AGBL5: variants seen among roughly 807,000 people sequenced by gnomAD.
AGBL5 encodes the protein cytosolic carboxypeptidase-like protein 5.
In AGBL5, 51 loss-of-function variants were observed where a neutral mutation model predicts 88.0. The ratio of observed to expected loss-of-function variants is 0.58; its 90% CI spans 0.46 to 0.73. The LOEUF (loss-of-function observed/expected upper bound fraction) is 0.73, where lower values mean the gene tolerates loss of function less well. Among genes scored for constraint, AGBL5 ranks in the 30% least tolerant of loss-of-function variants. AGBL5 has a pLI of 0.00. For synonymous variants in AGBL5, 446 were observed against 438.8 expected (o/e 1.02, Z -0.21); for missense variants, 1,031 against 1,162.2 (o/e 0.89, Z 1.64).
chr2:27,053,509 C>T lies in AGBL5; in HGVS notation c.323C>T (p.Pro108Leu), dbSNP rs1271339736. ...QSKLYSQGMAPFVRTLPTRPR... is the reference protein window; with the variant it reads ...QSKLYSQGMALFVRTLPTRPR... Reference sequence around the variant, plus strand: ...AAGCTGTATTCCCAGGGCATGGCCCCCTTTGTGCGCACACTGCCCACCCGG... The same window carrying T: ...AAGCTGTATTCCCAGGGCATGGCCCTCTTTGTGCGCACACTGCCCACCCGG... The change falls in exon 3 of 15, where the codon CCC (proline) becomes CTC (leucine). Residue 108 changes from proline (P) to leucine (L), a missense_variant. Around this residue, in one of 2 missense-constraint regions of AGBL5, gnomAD observed 540 missense variants for 678.2 expected, o/e 0.80. Coordinates refer to ENST00000360131, the MANE Select transcript of AGBL5 (RefSeq NM_021831.6). This position sits in a 1 kb window ranked among gnomAD's most constrained non-coding sequence, Gnocchi z 4.9. The T allele has an allele frequency of 1.2e-6, 2 of 1,614,144 alleles. No individual in the cohort carries two copies. The highest frequency in any genetic ancestry group is 3.3e-5 in the Admixed American group (2 of 60,030).
At chr2:27,056,459 C>A in intron 7 of AGBL5, 164 bp from the exon 8 acceptor site, 1 of 699,234 alleles carries the variant, frequency 1.4e-6, no homozygotes, top group Non-Finnish European at 2.3e-6. Flanking sequence ...TTCCCAACAC[C>A]TAGAAGTAAT....
intron 5 of AGBL5, 129 bp from the exon 6 acceptor site, chr2:27,054,946 C>A: frequency 6.7e-7 from 1 of 1,481,988 alleles, no homozygotes; most frequent in Non-Finnish European, 9.2e-7. Context: ...ATGGCCCCTG[C>A]TCCACTTGCA....
intron 6 of AGBL5, 26 bp downstream of exon 6, chr2:27,055,279 G>C: frequency 6.2e-7 from 1 of 1,608,252 alleles, no homozygotes; most frequent in South Asian, 1.1e-5. Flanking sequence ...AGCCTGTCTG[G>C]ACTGTTCCCA....
In AGBL5 at chr2:27,068,716, G is replaced by A. The variant is rs145155050; in HGVS notation, c.2327G>A (p.Arg776Gln). 9 of 1,614,108 alleles carry A rather than the reference G, an allele frequency of 5.6e-6. No homozygotes were observed. The highest frequency in any genetic ancestry group is 1.6e-4 in the Middle Eastern group (1 of 6,062). ...IGKGLLGTGA[R>Q]MPCIKTRLQA... is the part of the protein sequence containing the mutation. The stretch of plus-strand genomic sequence containing the variant: ...AAAGGTCTGCTAGGGACTGGAGCTC[G>A]GATGCCCTGCATCAAGACTCGATTG... The change falls in exon 13 of 15, where the codon CGG becomes CAG. Residue 776 changes from arginine (R) to glutamine (Q), a missense_variant. Arg to Gln is a conservative substitution (Grantham distance 43). Transcript: ENST00000360131.
intron 11 of AGBL5, among the ~76,000 whole-genome samples, chr2:27,064,999 C>T (rs1668919264): frequency 6.6e-6 from 1 of 151,502 alleles, no homozygotes; most frequent in East Asian, 2.0e-4. Flanking sequence ...AGTGATCCGC[C>T]TGCCTCAGCC....
Position 27,054,626 on chromosome 2 carries a change from G to A in AGBL5, c.552-4G>A. 1 of 1,601,042 alleles carries A rather than the reference G, an allele frequency of 6.2e-7. No individual in the cohort carries two copies. The highest frequency in any genetic ancestry group is 1.1e-5 in the South Asian group (1 of 88,632). ...CTCCTGGCTTAATTTTTTTTTCCCT[G>A]TAGCCCCCTGGATACCATCTATTAC... On this transcript the variant is annotated splice_region_variant and splice_polypyrimidine_tract_variant and intron_variant, in intron 4 of 14. Transcript: ENST00000360131.
In AGBL5 at chr2:27,069,347, C is replaced by G. The variant is rs985639467; in HGVS notation, c.2356-226C>G. ...TAGCCATGGCGGTTAAATGCTGGAT[C>G]CGTTTGCCACCCCTAGTTATAGACT... On this transcript the variant is annotated intron_variant, in intron 13 of 14. Coordinates refer to ENST00000360131, the MANE Select transcript of AGBL5 (RefSeq NM_021831.6). 3 of 985,394 alleles carry G rather than the reference C, an allele frequency of 3.0e-6. No individual in the cohort carries two copies. The African/African-American group carries it at 5.2e-5, about 17-fold the overall frequency. The allele number at this position is 985,394 out of a possible 1,614,324, so 61.0% of individuals were successfully genotyped here.
Position 27,070,483 on chromosome 2 carries a change from CA to C in AGBL5, c.*228del, listed in dbSNP as rs1474092972. 67 of 508,398 alleles carry C rather than the reference CA, an allele frequency of 1.3e-4. No homozygotes were observed. The highest frequency in any genetic ancestry group is 2.7e-4 in the South Asian group (8 of 29,366). The allele number at this position is 508,398 out of a possible 1,614,324, so 31.5% of individuals were successfully genotyped here. A position where few individuals can be genotyped will look rare whatever the true frequency, so the allele number is the denominator to read the frequency against. ...TCCGCAGCACAAGATTTTGGGACCA[CA>C]AAAAAAAGTCTATATTTTTATATTG... On this transcript the variant is annotated 3_prime_UTR_variant, in exon 15 of 15. Coordinates refer to ENST00000360131, the MANE Select transcript of AGBL5 (RefSeq NM_021831.6).
In AGBL5 at chr2:27,052,928, C is replaced by T. The variant is rs117264293; in HGVS notation, c.-31C>T. The T allele has an allele frequency of 7.1e-6, 11 of 1,539,066 alleles. No individual in the cohort carries two copies. The highest frequency in any genetic ancestry group is 7.0e-5 in the East Asian group (3 of 43,094). ...TTTCCCCCAGCTCTCAGGGCCAGAG[C>T]GGGGCAGGAGGATGCTTTCCCAGCC... On this transcript the variant is annotated 5_prime_UTR_variant, in exon 2 of 15. Coordinates refer to ENST00000360131, the MANE Select transcript of AGBL5 (RefSeq NM_021831.6).
At position 27,054,612 on chromosome 2, in the gene AGBL5, A is replaced by AT. The variant is rs368758886; in HGVS notation, c.552-9dup. ...GACTTTAGGGACTTCTCCTGGCTTAATTTTTTTTTCCCTGTAGCCCCCTGG... is the reference window on the plus strand; with the variant it reads ...GACTTTAGGGACTTCTCCTGGCTTAATTTTTTTTTTCCCTGTAGCCCCCTGG... On this transcript the variant is annotated splice_polypyrimidine_tract_variant and intron_variant, in intron 4 of 14. Transcript: ENST00000360131. 843 of 1,596,388 alleles carry AT rather than the reference A, an allele frequency of 5.3e-4. 3 individuals carry two copies. The African/African-American group carries it at 6.3e-3, about 12-fold the overall frequency.
In AGBL5 at chr2:27,070,512, G is replaced by A; in HGVS notation, c.*249G>A. 1 of 481,016 alleles carries A rather than the reference G, an allele frequency of 2.1e-6. No individual in the cohort carries two copies. Among genetic ancestry groups the A allele is most frequent in the Non-Finnish European group, 3.7e-6 (1 of 267,924 alleles). The allele number at this position is 481,016 out of a possible 1,614,324, so 29.8% of individuals were successfully genotyped here. A position where few individuals can be genotyped will look rare whatever the true frequency, so the allele number is the denominator to read the frequency against. ...AAAAAGTCTATATTTTTATATTGGG[G>A]GGAGGGAGTAGAAAAGCAAGCCCCT... On this transcript the variant is annotated 3_prime_UTR_variant, in exon 15 of 15. Coordinates refer to ENST00000360131, the MANE Select transcript of AGBL5 (RefSeq NM_021831.6).
intron 1 of AGBL5, 47 bp from the exon 2 acceptor site, chr2:27,052,866 G>A: frequency 8.4e-7 from 1 of 1,189,734 alleles, no homozygotes; most frequent in South Asian, 1.8e-5. Context: ...AAAACTCTTC[G>A]ATTTGTCTTC....
chr2:27,051,243 G>A (rs186418669), upstream of AGBL5, among the ~76,000 whole-genome samples: 5 of 152,324 alleles, frequency 3.3e-5, no homozygotes, highest in East Asian at 1.9e-4. Flanking sequence ...TAGAGCGCTC[G>A]CTTAGCATGC....
At chr2:27,067,766 T>A in intron 12 of AGBL5, 120 bp downstream of exon 12, 1 of 1,089,494 alleles carries the variant, frequency 9.2e-7, no homozygotes, top group Non-Finnish European at 1.4e-6. Context: ...CCTAAACCTC[T>A]AACACTGGTG....
upstream of AGBL5, among the ~76,000 whole-genome samples, chr2:27,051,217 G>A (rs935396160): frequency 4.6e-5 from 7 of 152,208 alleles, no homozygotes; most frequent in Non-Finnish European, 8.8e-5. Flanking sequence ...AGCAGGCGGG[G>A]GATTAGCTCA....
chr2:27,057,850 C>T (rs1368514923), intron 9 of AGBL5, among the ~76,000 whole-genome samples: 3 of 152,146 alleles, frequency 2.0e-5, no homozygotes, highest in Admixed American at 6.5e-5. Context: ...CCAAGGCAGG[C>T]GGATCACCTG....
In AGBL5 at chr2:27,053,176, A is replaced by G; in HGVS notation, c.215+3A>G. The stretch of plus-strand genomic sequence containing the variant: ...ACGGAATTTGAGAATGGGAACAGGT[A>G]TATGGAACGAAATGGAGGGTGGAAA... On this transcript the variant is annotated splice_donor_region_variant and intron_variant, in intron 2 of 14. Transcript: ENST00000360131. The surrounding 1 kb of genome is among the most constrained non-coding windows in gnomAD (Gnocchi z 4.9). The G allele has an allele frequency of 1.3e-6, 2 of 1,581,452 alleles. No homozygotes were observed. The highest frequency in any genetic ancestry group is 1.7e-6 in the Non-Finnish European group (2 of 1,160,932).
At chr2:27,069,838 A>G in intron 14 of AGBL5, 132 bp downstream of exon 14, 2 of 1,463,712 alleles carry the variant, frequency 1.4e-6, no homozygotes, top group Non-Finnish European at 1.8e-6. Context: ...TCCATTAAGA[A>G]TCTAGTCCCT....
intron 8 of AGBL5, 103 bp from the exon 9 acceptor site, chr2:27,057,200 T>C: frequency 7.4e-7 from 1 of 1,342,860 alleles, no homozygotes. Context: ...TTGTGTTCAC[T>C]TTTTTCCAAG....
Sources: allele counts gnomAD v4.1 joint callset (sites outside exome capture counted in the v4.1 genomes callset), GRCh38; gene constraint gnomAD v4.1.1; regional missense constraint gnomAD v4.1.1; non-coding constraint Gnocchi (gnomAD v3.1); transcripts MANE v1.5; gene names NCBI Gene and HGNC (gene_info 2026-07-23, HGNC 2026-07-21).